The following PKHD1L1 variants were observed in gnomAD, a reference collection of about 807,000 sequenced individuals.
PKHD1L1 encodes PKHD1 like 1, also known as fibrocystin-L.
Under a neutral mutation model 462.9 loss-of-function variants are expected in PKHD1L1, and 434 were observed. The ratio of observed to expected loss-of-function variants is 0.94; its 90% CI spans 0.87 to 1.02. PKHD1L1 has a LOEUF of 1.02. Ranked by LOEUF, PKHD1L1 falls within the 50% of genes least tolerant of loss-of-function variation. PKHD1L1 has a pLI of 0.00. For missense variants in PKHD1L1, 5,202 were observed against 5,096.1 expected (o/e 1.02, Z -0.63); for synonymous variants, 1,781 against 1,750.0 (o/e 1.02, Z -0.44).
At position 109,450,993 on chromosome 8, in the gene PKHD1L1, C is replaced by T. The variant is rs1434819872; in HGVS notation, c.6194C>T (p.Ala2065Val). The change falls in exon 41 of 78, where the codon GCC becomes GTC. Residue 2065 changes from alanine to valine, a missense_variant. By Grantham distance (64) the Ala-to-Val change is moderately conservative. Coordinates refer to ENST00000378402, the MANE Select transcript of PKHD1L1 (RefSeq NM_177531.6). ...PSNNGTGAEQ[A>V]CEVSVVNGKD... ...TTCATAGGCACGGGAGCTGAGCAAG[C>T]CTGTGAAGTGAGTGTGGTTAATGGG... is the stretch of plus-strand genomic sequence containing the variant. 10 of 1,610,730 alleles carry T rather than the reference C, an allele frequency of 6.2e-6. No homozygotes were observed. The highest frequency in any genetic ancestry group is 7.6e-6 in the Non-Finnish European group (9 of 1,177,668).
intron 19 of PKHD1L1, 115 bp downstream of exon 19, chr8:109,410,093 ATTGC>A: frequency 1.7e-6 from 1 of 584,356 alleles, no homozygotes; most frequent in African/African-American, 2.0e-5. Context: ...TCACAGTCAA[ATTGC>A]AAAAATGACT....
At chr8:109,499,872 G>A (rs1819312604) in intron 67 of PKHD1L1, among the ~76,000 whole-genome samples, 1 of 152,220 alleles carries the variant, frequency 6.6e-6, no homozygotes, top group African/African-American at 2.4e-5. Context: ...ACTCTAGAGT[G>A]TAAGTTAAAA....
chr8:109,387,429 G>A (rs1812496454), intron 6 of PKHD1L1, among the ~76,000 whole-genome samples: 1 of 152,186 alleles, frequency 6.6e-6, no homozygotes, highest in Non-Finnish European at 1.5e-5. Flanking sequence ...AATTGTCTGA[G>A]TTGGAATTCT....
At chr8:109,400,458 G>A in intron 13 of PKHD1L1, 114 bp downstream of exon 13, 1 of 1,244,230 alleles carries the variant, frequency 8.0e-7, no homozygotes, top group Admixed American at 2.7e-5. Context: ...GAGAAATGAT[G>A]TCATGTGGTT....
At chr8:109,406,606 T>C in intron 17 of PKHD1L1, 128 bp downstream of exon 17, 1 of 1,076,628 alleles carries the variant, frequency 9.3e-7, no homozygotes, top group Admixed American at 3.5e-5. Flanking sequence ...TTAAATGGTT[T>C]TTTCTACGGT....
chr8:109,404,782 A>G, intron 15 of PKHD1L1, 69 bp downstream of exon 15: 1 of 1,402,868 alleles, frequency 7.1e-7, no homozygotes, highest in Non-Finnish European at 9.5e-7. Flanking sequence ...TTTGATTATT[A>G]ATTTTACTAG....
Position 109,489,201 on chromosome 8 carries a change from TTAAG to T in PKHD1L1, c.9881-748_9881-745del, listed in dbSNP as rs200191179. On this transcript the variant is annotated intron_variant, in intron 59 of 77. Coordinates refer to ENST00000378402, the MANE Select transcript of PKHD1L1 (RefSeq NM_177531.6). ...AATAACTTTTCTCCAACACATCCTA[TTAAG>T]TATCAGTTTTTGAACAAATAATATT... is the stretch of plus-strand genomic sequence containing the variant. 6.0e-3 allele frequency among the ~76,000 whole-genome samples: 914 copies of T among 152,116 alleles called. 11 individuals are homozygous for T. Among genetic ancestry groups the T allele is most frequent in the African/African-American group, 0.02 (833 of 41,556 alleles).
At chr8:109,380,163 C>G (rs770188517) in intron 2 of PKHD1L1, among the ~76,000 whole-genome samples, 1 of 151,784 alleles carries the variant, frequency 6.6e-6, no homozygotes, top group African/African-American at 2.4e-5. Context: ...TAGCCTGTAG[C>G]TTGTCCCTCT....
At chr8:109,460,360 G>A (rs1817051472) in intron 47 of PKHD1L1, among the ~76,000 whole-genome samples, 1 of 152,096 alleles carries the variant, frequency 6.6e-6, no homozygotes, top group Admixed American at 6.6e-5. Context: ...TGGGTTTACT[G>A]TAAAAGATAT....
At chr8:109,488,252 G>A (rs911782991) in intron 59 of PKHD1L1, among the ~76,000 whole-genome samples, 2 of 151,858 alleles carry the variant, frequency 1.3e-5, no homozygotes, top group African/African-American at 4.8e-5. Context: ...TCCTCCAAAG[G>A]TGACAGGGAG....
intron 48 of PKHD1L1, among the ~76,000 whole-genome samples, chr8:109,463,015 T>G (rs1036014021): frequency 1.3e-5 from 2 of 152,184 alleles, no homozygotes; most frequent in African/African-American, 4.8e-5. Context: ...ACATAACTCC[T>G]AATAGGATAT....
chr8:109,443,723 G>T lies in PKHD1L1; in HGVS notation c.4612G>T (p.Ala1538Ser), dbSNP rs577848903. Reference protein sequence around the residue: ...HLGSSVAGCLATEPLCSLNNT... With the variant: ...HLGSSVAGCLSTEPLCSLNNT... ...GGGAAGCTCTGTGGCAGGCTGCCTAGCAACAGAACCCCTGTGCAGCCTGAA... is the reference window on the plus strand; with the variant it reads ...GGGAAGCTCTGTGGCAGGCTGCCTATCAACAGAACCCCTGTGCAGCCTGAA... The change falls in exon 37 of 78, where the codon GCA (alanine) becomes TCA (serine). Residue 1538 changes from alanine to serine, a missense_variant. By Grantham distance (99) the Ala-to-Ser change is moderately conservative. Coordinates refer to ENST00000378402, the MANE Select transcript of PKHD1L1 (RefSeq NM_177531.6). 3.2e-5 allele frequency: 51 copies of T among 1,613,566 alleles called. No individual in the cohort carries two copies. In the South Asian group the frequency reaches 5.5e-4, roughly 17 times the overall value.
In PKHD1L1 at chr8:109,486,780, T is replaced by C; in HGVS notation, c.9839T>C (p.Val3280Ala). 1 of 1,612,318 alleles carries C rather than the reference T, an allele frequency of 6.2e-7. No homozygotes were observed. The highest frequency in any genetic ancestry group is 8.5e-7 in the Non-Finnish European group (1 of 1,178,770). The change falls in exon 59 of 78, where the codon GTA (valine) becomes GCA (alanine). Residue 3280 changes from valine to alanine, a missense_variant. Transcript: ENST00000378402. ...GWSEDSFGAR[V>A]LVGSFTENMM... ...TCTGAGGACTCTTTTGGAGCACGCG[T>C]ACTGGTTGGCTCATTCACTGAAAAT... is the stretch of plus-strand genomic sequence containing the variant.
In PKHD1L1 at chr8:109,400,084, G is replaced by T. The variant is rs369930599; in HGVS notation, c.1021G>T (p.Gly341Cys). 3 of 1,611,224 alleles carry T rather than the reference G, an allele frequency of 1.9e-6. No individual in the cohort carries two copies. Among genetic ancestry groups the T allele is most frequent in the Non-Finnish European group, 8.5e-7 (1 of 1,178,322 alleles). The change falls in exon 13 of 78, where the codon GGC becomes TGC. Residue 341 changes from glycine to cysteine, a missense_variant. Physicochemically the swap from Gly to Cys is radical, Grantham distance 159 (BLOSUM62 -3). Coordinates refer to ENST00000378402, the MANE Select transcript of PKHD1L1 (RefSeq NM_177531.6). The part of the protein sequence containing the change: ...ILKTVYPGGR[G>C]LKLEVWNNSR... ...TATTTCATTACACTTAGGAGGGAGA[G>T]GCCTGAAGCTTGAGGTGTGGAATAA...
chr8:109,411,074 C>T (rs984364492), intron 19 of PKHD1L1, among the ~76,000 whole-genome samples: 3 of 151,978 alleles, frequency 2.0e-5, no homozygotes, highest in Non-Finnish European at 4.4e-5. Context: ...CCTTTCTCCT[C>T]ATTGACTTCA....
At chr8:109,392,809 A>C (rs961093431) in intron 9 of PKHD1L1, among the ~76,000 whole-genome samples, 1 of 152,144 alleles carries the variant, frequency 6.6e-6, no homozygotes, top group African/African-American at 2.4e-5. Flanking sequence ...AAACAAACCA[A>C]TTAAAGGCCT....
chr8:109,377,628 G>T (rs1281778999), intron 2 of PKHD1L1, among the ~76,000 whole-genome samples: 2 of 152,144 alleles, frequency 1.3e-5, no homozygotes, highest in African/African-American at 2.4e-5. Flanking sequence ...AGATATTGAA[G>T]TAATCTGGGC....
At chr8:109,394,010 A>T (rs999587707) in intron 9 of PKHD1L1, among the ~76,000 whole-genome samples, 13 of 152,024 alleles carry the variant, frequency 8.6e-5, no homozygotes, top group African/African-American at 2.9e-4. Context: ...CGTCTCTACT[A>T]AAAATACAAA....
At chr8:109,516,714 T>C (rs1407490462) in intron 72 of PKHD1L1, among the ~76,000 whole-genome samples, 2 of 152,116 alleles carry the variant, frequency 1.3e-5, no homozygotes, top group Non-Finnish European at 2.9e-5. Context: ...ATATAAATAG[T>C]TGTGTCATGA....
Sources: allele counts gnomAD v4.1 joint callset (sites outside exome capture counted in the v4.1 genomes callset), GRCh38; gene constraint gnomAD v4.1.1; transcripts MANE v1.5; gene names NCBI Gene and HGNC (gene_info 2026-07-23, HGNC 2026-07-21).